ZFAT: variants seen among roughly 807,000 people sequenced by gnomAD.
The protein encoded by ZFAT is zinc finger and AT-hook domain containing.
Under a neutral mutation model 117.7 loss-of-function variants are expected in ZFAT, and 64 were observed. The observed-to-expected ratio is 0.54, with a 90% CI of 0.44 to 0.67. The LOEUF (loss-of-function observed/expected upper bound fraction) is 0.67, where lower values mean the gene tolerates loss of function less well. Ranked by LOEUF, ZFAT falls within the 30% of genes least tolerant of loss-of-function variation. The pLI is 0.00. For missense variants in ZFAT, 1,433 were observed against 1,584.5 expected (o/e 0.90, Z 1.62); for synonymous variants, 679 against 615.0 (o/e 1.10, Z -1.54).
Position 134,478,329 on chromosome 8 carries a change from A to C in ZFAT, c.*153T>G, listed in dbSNP as rs1244378859. ...TGATGCTGACTGCCTTGCCCACCCC[A>C]AGTTGGACTAGGAGAGTCCTATCAG... On this transcript the variant is annotated 3_prime_UTR_variant, in exon 16 of 16. Coordinates refer to ENST00000377838, the MANE Select transcript of ZFAT (RefSeq NM_020863.4). The surrounding 1 kb of genome is among the most constrained non-coding windows in gnomAD (Gnocchi z 5.2). 5.1e-6 allele frequency: 6 copies of C among 1,181,022 alleles called. No homozygotes were observed. The highest frequency in any genetic ancestry group is 6.9e-6 in the Non-Finnish European group (6 of 864,856). 73.2% of individuals were successfully genotyped at this position (1,181,022 alleles called of 1,614,324 possible).
At chr8:134,595,128 CA>C (rs1389070075) in intron 7 of ZFAT, among the ~76,000 whole-genome samples, 1 of 152,184 alleles carries the variant, frequency 6.6e-6, no homozygotes, top group Non-Finnish European at 1.5e-5. Context: ...AGGAGACCCA[CA>C]GGGGTCACCC....
At chr8:134,504,535 A>G (rs543014591) in intron 15 of ZFAT, among the ~76,000 whole-genome samples, 1 of 152,324 alleles carries the variant, frequency 6.6e-6, no homozygotes, top group South Asian at 2.1e-4. Context: ...ACAGGCACTG[A>G]TTGTTCTGCT....
At chr8:134,641,945 G>A (rs547980862) in intron 2 of ZFAT, among the ~76,000 whole-genome samples, 5 of 152,282 alleles carry the variant, frequency 3.3e-5, no homozygotes, top group Non-Finnish European at 5.9e-5. Flanking sequence ...AAAACACAAC[G>A]TGAACACTAT....
At chr8:134,784,190 C>T in the ZFAT span, 1 of 152,210 alleles carries the variant, frequency 6.6e-6, no homozygotes, top group African/African-American at 2.4e-5. Flanking sequence ...TATTAAGTCA[C>T]TCCTTTCATA....
At chr8:134,790,526 G>A in the ZFAT span, among the ~76,000 whole-genome samples, 9 of 152,232 alleles carry the variant, frequency 5.9e-5, no homozygotes, top group African/African-American at 1.4e-4. Context: ...TGTCCCCCAC[G>A]CCTCAAAAAC....
intron 11 of ZFAT, among the ~76,000 whole-genome samples, chr8:134,562,336 A>G (rs929872005): frequency 1.3e-5 from 2 of 152,254 alleles, no homozygotes; most frequent in African/African-American, 4.8e-5. Flanking sequence ...AAGATAATCA[A>G]TCTGAACTAT....
At chr8:134,618,074 C>T (rs867548699) in intron 3 of ZFAT, among the ~76,000 whole-genome samples, 16 of 152,142 alleles carry the variant, frequency 1.1e-4, no homozygotes, top group African/African-American at 1.9e-4. Context: ...TTTCACCTCC[C>T]GCCATGATTC....
In ZFAT at chr8:134,602,884, C is replaced by T; in HGVS notation, c.835G>A (p.Val279Ile). ...KIFTCEYCNK[V>I]FKFKHSLQAH... ...TGCAGCGAGTGCTTGAACTTGAAGA[C>T]CTTGTTGCAGTATTCACAAGTGAAG... Residue 279 changes from valine to isoleucine, a missense_variant, in exon 6 of 16, where the codon GTC becomes ATC. By Grantham distance (29) the Val-to-Ile change is conservative (BLOSUM62 3). Around this residue, in one of 5 missense-constraint regions of ZFAT, gnomAD observed 436 missense variants for 482.0 expected, o/e 0.90. Coordinates refer to ENST00000377838, the MANE Select transcript of ZFAT (RefSeq NM_020863.4). 1 of 1,613,824 alleles carries T rather than the reference C, an allele frequency of 6.2e-7. No homozygotes were observed. Among genetic ancestry groups the T allele is most frequent in the Non-Finnish European group, 8.5e-7 (1 of 1,179,852 alleles).
chr8:134,720,420 G>A, the ZFAT span, among the ~76,000 whole-genome samples: 2 of 152,216 alleles, frequency 1.3e-5, no homozygotes, highest in Non-Finnish European at 2.9e-5. Flanking sequence ...GTAGTCTTAA[G>A]CTTACTTCCC....
the ZFAT span, among the ~76,000 whole-genome samples, chr8:134,813,893 C>T: frequency 6.6e-6 from 1 of 151,160 alleles, no homozygotes; most frequent in African/African-American, 2.4e-5. Flanking sequence ...ACTCTTTAAA[C>T]AAAGGGAGGC....
At chr8:134,783,336 C>T in the ZFAT span, among the ~76,000 whole-genome samples, 3,136 of 152,210 alleles carry the variant, frequency 0.021, 108 homozygotes, top group African/African-American at 0.071. Flanking sequence ...TGAGCATTAC[C>T]GCCTGAGCTC....
intron 1 of ZFAT, among the ~76,000 whole-genome samples, chr8:134,680,385 G>T (rs1418802950): frequency 3.9e-5 from 6 of 152,048 alleles, no homozygotes; most frequent in Non-Finnish European, 7.4e-5. Flanking sequence ...CAAAAATTTG[G>T]ATTGTAATAA....
chr8:134,571,910 G>A (rs2130799743), intron 10 of ZFAT, among the ~76,000 whole-genome samples: 1 of 152,322 alleles, frequency 6.6e-6, no homozygotes, highest in African/African-American at 2.4e-5. Flanking sequence ...GAAGTTGGCA[G>A]TGCAATGCAC....
intron 15 of ZFAT, among the ~76,000 whole-genome samples, chr8:134,492,863 G>A (rs1337494327): frequency 1.3e-5 from 2 of 152,204 alleles, no homozygotes; most frequent in Admixed American, 6.5e-5. Flanking sequence ...GGGGCAATAT[G>A]TGCAAGAAAC....
At chr8:134,493,693 A>T (rs1171323439) in intron 15 of ZFAT, among the ~76,000 whole-genome samples, 1 of 152,174 alleles carries the variant, frequency 6.6e-6, no homozygotes, top group Non-Finnish European at 1.5e-5. Context: ...GGCACTCATG[A>T]CTGCTTCTGG....
intron 11 of ZFAT, among the ~76,000 whole-genome samples, chr8:134,560,299 G>C (rs1366012351): frequency 6.6e-6 from 1 of 151,804 alleles, no homozygotes; most frequent in African/African-American, 2.4e-5. Flanking sequence ...TGTCTCTCAC[G>C]ACAGCATTTT....
intron 2 of ZFAT, among the ~76,000 whole-genome samples, chr8:134,645,148 G>T (rs371438859): frequency 6.6e-6 from 1 of 152,196 alleles, no homozygotes; most frequent in Non-Finnish European, 1.5e-5. Context: ...AGATTAAAAG[G>T]CTATAAAATA....
intron 12 of ZFAT, among the ~76,000 whole-genome samples, chr8:134,530,051 C>T: frequency 6.6e-6 from 1 of 152,324 alleles, no homozygotes; most frequent in South Asian, 2.1e-4. Flanking sequence ...ATCCCTGTGG[C>T]ATAGCAGGCA....
At chr8:134,545,576 G>C (rs1278002011) in intron 11 of ZFAT, among the ~76,000 whole-genome samples, 2 of 152,178 alleles carry the variant, frequency 1.3e-5, no homozygotes, top group African/African-American at 4.8e-5. Context: ...AAAAGTATTA[G>C]GCTGATCAAA....
Sources: allele counts gnomAD v4.1 joint callset (sites outside exome capture counted in the v4.1 genomes callset), GRCh38; gene constraint gnomAD v4.1.1; regional missense constraint gnomAD v4.1.1; non-coding constraint Gnocchi (gnomAD v3.1); transcripts MANE v1.5; gene names NCBI Gene and HGNC (gene_info 2026-07-23, HGNC 2026-07-21).